The following ACAP2 variants were observed in gnomAD, a reference collection of about 807,000 sequenced individuals.
ACAP2 encodes arf-GAP with coiled-coil, ANK repeat and PH domain-containing protein 2.
In ACAP2, 39 loss-of-function variants were observed where a neutral mutation model predicts 115.8. That is an observed-to-expected ratio of 0.34 (90% CI 0.26 to 0.44). The LOEUF (loss-of-function observed/expected upper bound fraction) is 0.44. Among genes scored for constraint, ACAP2 ranks in the 20% least tolerant of loss-of-function variants. The pLI is 1.00. For synonymous variants in ACAP2, 289 were observed against 315.8 expected (o/e 0.92, Z 0.90); for missense variants, 662 against 927.6 (o/e 0.71, Z 3.72).
intron 18 of ACAP2, among the ~76,000 whole-genome samples, chr3:195,293,248 A>C (rs930114265): frequency 6.6e-6 from 1 of 152,186 alleles, no homozygotes; most frequent in Non-Finnish European, 1.5e-5. Context: ...ACCTCACTTC[A>C]TTCCTAGGAT....
At position 195,275,347 on chromosome 3, in the gene ACAP2, A is replaced by G. The variant is rs1726152608; in HGVS notation, c.*3981T>C. The G allele has an allele frequency of 6.6e-6, 1 of 152,250 alleles. No homozygotes were observed. Among genetic ancestry groups the G allele is most frequent in the Admixed American group, 6.5e-5 (1 of 15,290 alleles). 9.4% of individuals were successfully genotyped at this position (152,250 alleles called of 1,614,324 possible). Reference sequence around the variant, plus strand: ...CCACAAAACCATATCTGTAGATGTCATTTGGAAGCATCAAGAAATTGATAA... The same window carrying G: ...CCACAAAACCATATCTGTAGATGTCGTTTGGAAGCATCAAGAAATTGATAA... On this transcript the variant is annotated 3_prime_UTR_variant, in exon 23 of 23. Transcript: ENST00000326793.
chr3:195,369,968 G>A (rs1289523544), intron 4 of ACAP2, among the ~76,000 whole-genome samples: 1 of 152,138 alleles, frequency 6.6e-6, no homozygotes, highest in Non-Finnish European at 1.5e-5. Context: ...GTGTGAGATG[G>A]AATCTCATTG....
intron 15 of ACAP2, among the ~76,000 whole-genome samples, chr3:195,298,186 A>C (rs1050287294): frequency 1.3e-5 from 2 of 151,994 alleles, no homozygotes; most frequent in African/African-American, 4.8e-5. Context: ...CTCTGGACCC[A>C]ACAACAGGAG....
At chr3:195,317,021 C>A (rs1394181864) in intron 10 of ACAP2, among the ~76,000 whole-genome samples, 1 of 150,594 alleles carries the variant, frequency 6.6e-6, no homozygotes, top group Non-Finnish European at 1.5e-5. Flanking sequence ...CCTCAGCCTG[C>A]CGAGTAGCTG....
chr3:195,432,746 T>C (rs747185025), intron 1 of ACAP2, among the ~76,000 whole-genome samples: 1 of 152,166 alleles, frequency 6.6e-6, no homozygotes, highest in Non-Finnish European at 1.5e-5. Context: ...TTCATAGAGA[T>C]TGCGTTTAGT....
intron 4 of ACAP2, among the ~76,000 whole-genome samples, chr3:195,356,532 T>C (rs7643947): frequency 0.83 from 125,793 of 152,106 alleles, 52,257 homozygotes; most frequent in East Asian, 0.94. Context: ...GTCACACATC[T>C]CCCAATCAAA....
intron 1 of ACAP2, among the ~76,000 whole-genome samples, chr3:195,425,439 TTGG>T (rs1714612100): frequency 6.6e-6 from 1 of 152,224 alleles, no homozygotes; most frequent in African/African-American, 2.4e-5. Context: ...AAAGTACTTA[TTGG>T]TAGTAAAAGC....
chr3:195,356,882 T>C (rs750528958), intron 4 of ACAP2, among the ~76,000 whole-genome samples: 2 of 151,636 alleles, frequency 1.3e-5, no homozygotes, highest in African/African-American at 2.4e-5. Context: ...AGACTTCAGG[T>C]GTGACCCGGC....
chr3:195,302,584 G>T (rs1017677984), intron 13 of ACAP2, among the ~76,000 whole-genome samples: 5 of 148,586 alleles, frequency 3.4e-5, no homozygotes, highest in East Asian at 1.9e-4. Context: ...GCTAGTCATT[G>T]TTTTTTTTTT....
chr3:195,307,970 AAAGT>A (rs1281479011), intron 11 of ACAP2, among the ~76,000 whole-genome samples: 1 of 152,174 alleles, frequency 6.6e-6, no homozygotes, highest in Non-Finnish European at 1.5e-5. Flanking sequence ...TCATTCATAA[AAAGT>A]AACTAGGTGA....
chr3:195,375,861 A>G (rs1326999205), intron 4 of ACAP2, among the ~76,000 whole-genome samples: 1 of 152,210 alleles, frequency 6.6e-6, no homozygotes, highest in Non-Finnish European at 1.5e-5. Context: ...GAATTTATGT[A>G]GCAAATCAAC....
rs763765218 is a variant in ACAP2 at position 195,295,830 on chromosome 3, G to A, written c.1550C>T (p.Ser517Phe). Residue 517 changes from serine (S) to phenylalanine (F), a missense_variant, in exon 17 of 23, where the codon TCT (serine) becomes TTT (phenylalanine). Ser to Phe is a radical substitution (Grantham distance 155, BLOSUM62 -2). Around this residue, in one of 3 missense-constraint regions of ACAP2, gnomAD observed 133 missense variants for 123.1 expected, o/e 1.08. Transcript: ENST00000326793. ...CTGCTCAGGAGGTGATAATGATATA[G>A]AATATTTATCCACAAATTTCCTCTC... ...YVERKFVDKYSISLSPPEQQK... is the reference protein window; with the variant it reads ...YVERKFVDKYFISLSPPEQQK... The A allele has an allele frequency of 6.2e-7, 1 of 1,613,836 alleles. No individual in the cohort carries two copies. The highest frequency in any genetic ancestry group is 8.5e-7 in the Non-Finnish European group (1 of 1,179,922).
In ACAP2 at chr3:195,367,666, T is replaced by C. The variant is rs79637227; in HGVS notation, c.285+13343A>G. Among the ~76,000 whole-genome samples, 22 of 152,304 alleles carry C rather than the reference T, an allele frequency of 1.4e-4. No homozygotes were observed. In the East Asian group the frequency reaches 4.2e-3, roughly 29 times the overall value. On this transcript the variant is annotated intron_variant, in intron 4 of 22. Coordinates refer to ENST00000326793, the MANE Select transcript of ACAP2 (RefSeq NM_012287.6). ...TGCGATGTGACTTGTAGGCCCAGGC[T>C]TTAAGGGACCATGTACCCACTGATT...
intron 1 of ACAP2, among the ~76,000 whole-genome samples, chr3:195,401,644 G>A (rs1340629798): frequency 2.0e-5 from 3 of 152,166 alleles, no homozygotes. Context: ...TCCAGCTTGG[G>A]AGACAGTGAA....
At chr3:195,325,657 T>C (rs1729746569) in intron 9 of ACAP2, among the ~76,000 whole-genome samples, 1 of 152,118 alleles carries the variant, frequency 6.6e-6, no homozygotes, top group African/African-American at 2.4e-5. Context: ...AGATGCATAA[T>C]GTTTATTAAG....
intron 22 of ACAP2, among the ~76,000 whole-genome samples, chr3:195,281,126 C>T (rs967416144): frequency 2.0e-5 from 3 of 152,156 alleles, no homozygotes; most frequent in Non-Finnish European, 2.9e-5. Flanking sequence ...ATACTTTTGG[C>T]CCGGCCGGGT....
chr3:195,442,665 C>T (rs1716107938), intron 1 of ACAP2, 130 bp downstream of exon 1: 2 of 981,854 alleles, frequency 2.0e-6, no homozygotes, highest in Non-Finnish European at 1.5e-6. Context: ...TGGGAAACGG[C>T]GGCAACAGCC....
At chr3:195,349,756 G>C in intron 4 of ACAP2, 1 of 272,816 alleles carries the variant, frequency 3.7e-6, no homozygotes, top group South Asian at 4.1e-5. Flanking sequence ...GCACATCCAT[G>C]GAGTGGGCTT....
intron 2 of ACAP2, among the ~76,000 whole-genome samples, chr3:195,383,649 T>A (rs1734095406): frequency 1.3e-5 from 2 of 149,282 alleles, no homozygotes; most frequent in Non-Finnish European, 3.0e-5. Flanking sequence ...AAAAAACTGA[T>A]CAATCCAATT....
Sources: gnomAD v4.1 joint callset for allele counts (sites outside exome capture counted in the v4.1 genomes callset) on GRCh38, gnomAD v4.1.1 for gene constraint, gnomAD v4.1.1 regional missense constraint, MANE v1.5 for transcripts, NCBI Gene and HGNC (gene_info 2026-07-23, HGNC 2026-07-21) for gene names.